The following ADAMTSL1 variants were observed in gnomAD, a reference collection of about 807,000 sequenced individuals.
ADAMTSL1 encodes ADAMTS-like protein 1.
ADAMTSL1 carries 126 observed loss-of-function variants against 201.8 expected under a neutral mutation model. The ratio of observed to expected loss-of-function variants is 0.62; its 90% CI spans 0.54 to 0.72. The LOEUF (loss-of-function observed/expected upper bound fraction) is 0.72, where lower values mean the gene tolerates loss of function less well. Among genes scored for constraint, ADAMTSL1 ranks in the 30% least tolerant of loss-of-function variants. The probability of loss-of-function intolerance (pLI) is 0.00; values close to 1 mark genes in which losing one functional copy is unlikely to be tolerated. For missense variants in ADAMTSL1, 2,679 were observed against 2,277.8 expected (o/e 1.18, Z -3.59); for synonymous variants, 1,121 against 903.4 (o/e 1.24, Z -4.32).
At chr9:18,596,504 G>A (rs1237625004) in intron 4 of ADAMTSL1, among the ~76,000 whole-genome samples, 1 of 152,108 alleles carries the variant, frequency 6.6e-6, no homozygotes, top group Non-Finnish European at 1.5e-5. Flanking sequence ...CACTGACATG[G>A]TGCCTCAGCC....
chr9:18,309,460 C>T (rs1834032003), intron 2 of ADAMTSL1, among the ~76,000 whole-genome samples: 1 of 152,128 alleles, frequency 6.6e-6, no homozygotes, highest in East Asian at 1.9e-4. Flanking sequence ...CCCAAAATTT[C>T]TTAAGCTGAT....
intron 19 of ADAMTSL1, among the ~76,000 whole-genome samples, chr9:18,778,344 C>G (rs1821186623): frequency 6.6e-6 from 1 of 152,220 alleles, no homozygotes; most frequent in African/African-American, 2.4e-5. Flanking sequence ...AGAATGCAGC[C>G]AGCACCTGCT....
chr9:18,428,722 T>C (rs1194809389), intron 2 of ADAMTSL1, among the ~76,000 whole-genome samples: 1 of 152,242 alleles, frequency 6.6e-6, no homozygotes, highest in Non-Finnish European at 1.5e-5. Context: ...CTACATGATT[T>C]TTGACCATTT....
At chr9:18,086,310 T>G (rs938407461) in intron 1 of ADAMTSL1, among the ~76,000 whole-genome samples, 2 of 152,096 alleles carry the variant, frequency 1.3e-5, no homozygotes, top group Admixed American at 1.3e-4. Context: ...CATTTGCCAG[T>G]TGTGTTGCAG....
Position 18,329,020 on chromosome 9 carries a change from A to G in ADAMTSL1, c.207+165039A>G, listed in dbSNP as rs79717479. The stretch of plus-strand genomic sequence containing the variant: ...TAGTCTGAATGTTTACATCCCTCCA[A>G]AATTTCCTATGTTGAAAGCTCATCC... On this transcript the variant is annotated intron_variant, in intron 2 of 29. Transcript: ENST00000680146. Among the ~76,000 whole-genome samples the G allele has an allele frequency of 4.7e-3, 712 of 152,220 alleles. 2 individuals carry two copies. The highest frequency in any genetic ancestry group is 0.01 in the Middle Eastern group (3 of 294).
At chr9:18,005,458 G>A (rs1021419915) in intron 1 of ADAMTSL1, among the ~76,000 whole-genome samples, 6 of 152,074 alleles carry the variant, frequency 3.9e-5, no homozygotes, top group African/African-American at 1.4e-4. Flanking sequence ...AGTACAGGGA[G>A]AATAAGTAGC....
intron 2 of ADAMTSL1, among the ~76,000 whole-genome samples, chr9:18,322,218 C>T (rs1834651611): frequency 6.6e-6 from 1 of 151,892 alleles, no homozygotes; most frequent in Non-Finnish European, 1.5e-5. Flanking sequence ...AGGAAGAATA[C>T]ATTGAACCCA....
intron 23 of ADAMTSL1, among the ~76,000 whole-genome samples, chr9:18,839,206 C>T (rs929937026): frequency 5.5e-4 from 74 of 134,442 alleles, no homozygotes; most frequent in African/African-American, 2.0e-3. Flanking sequence ...ACAACAGTCC[C>T]CAGAGTGTAA....
chr9:18,193,402 A>T (rs2132240677), intron 2 of ADAMTSL1, among the ~76,000 whole-genome samples: 1 of 152,192 alleles, frequency 6.6e-6, no homozygotes, highest in East Asian at 1.9e-4. Context: ...GGGAACAGTT[A>T]CAGTAGGATC....
chr9:18,075,106 CT>C (rs1823156906), intron 1 of ADAMTSL1, among the ~76,000 whole-genome samples: 1 of 151,982 alleles, frequency 6.6e-6, no homozygotes, highest in Non-Finnish European at 1.5e-5. Flanking sequence ...CCCTCTTTCC[CT>C]TCTTTTCATC....
In ADAMTSL1 at chr9:18,683,585, C is replaced by T. The variant is rs12000817; in HGVS notation, c.1490-1131C>T. ...TTGTAAAATGATGTATGTATAGGTACGGTGTTGCTGTGTTTAAAATGTTAG... is the reference window on the plus strand; with the variant it reads ...TTGTAAAATGATGTATGTATAGGTATGGTGTTGCTGTGTTTAAAATGTTAG... On this transcript the variant is annotated intron_variant, in intron 12 of 28. Transcript: ENST00000380548. 6.5e-3 allele frequency among the ~76,000 whole-genome samples: 989 copies of T among 152,194 alleles called. 9 individuals carry two copies. The highest frequency in any genetic ancestry group is 0.023 in the African/African-American group (949 of 41,508).
rs562019703 is a variant in ADAMTSL1 at position 18,217,487 on chromosome 9, C to T, written c.207+53506C>T. Among the ~76,000 whole-genome samples the T allele has an allele frequency of 2.6e-5, 4 of 152,208 alleles. No homozygotes were observed. In the South Asian group the frequency reaches 8.3e-4, roughly 32 times the overall value. ...AATCTTGGTATCTTGTCTTTTCTTT[C>T]CTGCTTTTTGGAATCAGTGAAGGAT... On this transcript the variant is annotated intron_variant, in intron 2 of 29. Coordinates refer to the ADAMTSL1 transcript ENST00000680146.
At chr9:18,231,166 C>T (rs1182622055) in intron 2 of ADAMTSL1, among the ~76,000 whole-genome samples, 12 of 152,136 alleles carry the variant, frequency 7.9e-5, no homozygotes, top group African/African-American at 2.9e-4. Context: ...TTGGAAACTA[C>T]CAATGCCCAC....
intron 1 of ADAMTSL1, among the ~76,000 whole-genome samples, chr9:17,978,181 T>C (rs925612125): frequency 2.0e-5 from 3 of 152,120 alleles, no homozygotes; most frequent in South Asian, 2.1e-4. Flanking sequence ...TGTTTATCCA[T>C]GTGTGTCCTT....
intron 23 of ADAMTSL1, among the ~76,000 whole-genome samples, chr9:18,873,070 T>G (rs57827833): frequency 1.0e-3 from 159 of 152,288 alleles, no homozygotes; most frequent in African/African-American, 3.8e-3. Context: ...CTCTGATAAT[T>G]AGTGATGTTG....
At chr9:18,202,613 T>G (rs1829495774) in intron 2 of ADAMTSL1, among the ~76,000 whole-genome samples, 1 of 152,218 alleles carries the variant, frequency 6.6e-6, no homozygotes, top group Non-Finnish European at 1.5e-5. Flanking sequence ...ACGTGAAGGC[T>G]TCTCTGACTT....
chr9:18,432,790 T>C (rs1819554941), intron 2 of ADAMTSL1, among the ~76,000 whole-genome samples: 1 of 152,198 alleles, frequency 6.6e-6, no homozygotes, highest in Admixed American at 6.5e-5. Flanking sequence ...AGATAGTTTA[T>C]AAATTATTTG....
At chr9:18,121,388 C>A (rs1409315567) in intron 1 of ADAMTSL1, among the ~76,000 whole-genome samples, 1 of 152,152 alleles carries the variant, frequency 6.6e-6, no homozygotes, top group African/African-American at 2.4e-5. Flanking sequence ...CTTGTTGGCA[C>A]TGAGATTGAA....
chr9:18,040,359 T>C (rs1171439073), intron 1 of ADAMTSL1, among the ~76,000 whole-genome samples: 2 of 152,186 alleles, frequency 1.3e-5, no homozygotes, highest in Non-Finnish European at 2.9e-5. Context: ...TAATTGTTTC[T>C]GATCTTAAGT....
Sources: gnomAD v4.1 joint callset for allele counts (sites outside exome capture counted in the v4.1 genomes callset) on GRCh38, gnomAD v4.1.1 for gene constraint, MANE v1.5 for transcripts, NCBI Gene and HGNC (gene_info 2026-07-23, HGNC 2026-07-21) for gene names.